The following SUPT3H variants were observed in gnomAD, a reference collection of about 807,000 sequenced individuals.
The protein encoded by SUPT3H is transcription initiation protein SPT3 homolog.
Under a neutral mutation model 44.3 loss-of-function variants are expected in SUPT3H, and 44 were observed. The ratio of observed to expected loss-of-function variants is 0.99; its 90% CI spans 0.78 to 1.28. SUPT3H has a LOEUF of 1.28. Ranked by LOEUF, SUPT3H falls within the 50% of genes most tolerant of loss-of-function variation. SUPT3H has a pLI of 0.00. For missense variants in SUPT3H, 380 were observed against 387.1 expected (o/e 0.98, Z 0.15); for synonymous variants, 124 against 125.6 (o/e 0.99, Z 0.09).
chr6:45,027,164 A>AT (rs1402395025), intron 3 of SUPT3H, among the ~76,000 whole-genome samples: 1 of 151,290 alleles, frequency 6.6e-6, no homozygotes, highest in Admixed American at 6.6e-5. Flanking sequence ...TAATTTCTGT[A>AT]TTTTTTTGCA....
intron 3 of SUPT3H, among the ~76,000 whole-genome samples, chr6:45,035,119 C>T (rs1003870631): frequency 1.3e-5 from 2 of 152,042 alleles, no homozygotes; most frequent in South Asian, 2.1e-4. Context: ...TCTATGTAAA[C>T]ATGTTTTGTT....
rs1328301895 is a variant in SUPT3H, at chr6:44,903,177, G to T, written c.912+29476C>A. Among the ~76,000 whole-genome samples the T allele has an allele frequency of 2.0e-5, 3 of 152,146 alleles. No homozygotes were observed. The East Asian group carries it at 5.8e-4, about 29-fold the overall frequency. On this transcript the variant is annotated intron_variant, in intron 10 of 10. Coordinates refer to ENST00000371459, the MANE Select transcript of SUPT3H (RefSeq NM_003599.4). ...CTAGCAAAAGGCAAGAAATAACTAA[G>T]ATCAGAGCAGGACTGAAGGAGATAG... is the stretch of plus-strand genomic sequence containing the variant.
intron 10 of SUPT3H, among the ~76,000 whole-genome samples, chr6:44,927,772 TACAA>T (rs1200377605): frequency 6.6e-6 from 1 of 152,216 alleles, no homozygotes; most frequent in Non-Finnish European, 1.5e-5. Context: ...ATTTCAATGG[TACAA>T]ACTATTAGTC....
chr6:44,832,511 C>T (rs562727622), intron 10 of SUPT3H, among the ~76,000 whole-genome samples: 3 of 152,206 alleles, frequency 2.0e-5, no homozygotes, highest in Admixed American at 6.5e-5. Flanking sequence ...CTGGATCCTA[C>T]GTGCCTATAT....
chr6:45,158,298 A>ATATATATATATATATATATAATTTT, intron 2 of SUPT3H, among the ~76,000 whole-genome samples: 1 of 99,688 alleles, frequency 1.0e-5, no homozygotes, highest in Non-Finnish European at 1.7e-5. Flanking sequence ...ATATATATAT[A>ATATATATATATATATATATAATTTT]TTTTTTTTTT....
intron 9 of SUPT3H, among the ~76,000 whole-genome samples, chr6:44,951,397 T>C (rs1582707714): frequency 6.6e-6 from 1 of 152,146 alleles, no homozygotes; most frequent in Admixed American, 6.5e-5. Context: ...GAGTCCCACT[T>C]TGGACTCAAT....
intron 6 of SUPT3H, among the ~76,000 whole-genome samples, chr6:44,990,183 A>AT (rs138967479): frequency 0.2 from 30,393 of 149,670 alleles, 3,694 homozygotes; most frequent in Non-Finnish European, 0.28. Context: ...ATTCAATTTC[A>AT]TTTTTTTTTC....
At chr6:45,038,597 A>G (rs1353750904) in intron 3 of SUPT3H, among the ~76,000 whole-genome samples, 1 of 152,188 alleles carries the variant, frequency 6.6e-6, no homozygotes, top group Non-Finnish European at 1.5e-5. Context: ...ACAAATAGCT[A>G]TCTCATTATA....
chr6:44,975,787 T>C (rs190809084), intron 6 of SUPT3H, among the ~76,000 whole-genome samples: 37 of 152,164 alleles, frequency 2.4e-4, no homozygotes, highest in Middle Eastern at 3.4e-3. Flanking sequence ...AACATCAAAT[T>C]ACTTCTGATT....
intron 10 of SUPT3H, among the ~76,000 whole-genome samples, chr6:44,880,865 G>A (rs1347394083): frequency 6.6e-6 from 1 of 152,136 alleles, no homozygotes; most frequent in African/African-American, 2.4e-5. Flanking sequence ...ATCCTTTACG[G>A]ACAATCAAAT....
chr6:45,133,067 T>TA (rs900622385), intron 2 of SUPT3H, among the ~76,000 whole-genome samples: 17 of 152,134 alleles, frequency 1.1e-4, no homozygotes, highest in Admixed American at 6.5e-5. Flanking sequence ...AGAGTAAACA[T>TA]ACACACAGAC....
At chr6:45,300,943 T>C (rs1272920376) in intron 2 of SUPT3H, among the ~76,000 whole-genome samples, 1 of 152,108 alleles carries the variant, frequency 6.6e-6, no homozygotes, top group Non-Finnish European at 1.5e-5. Flanking sequence ...CTCAACCTGA[T>C]CTCAGAGTGA....
At chr6:45,123,643 G>A (rs1289163240) in intron 2 of SUPT3H, among the ~76,000 whole-genome samples, 1 of 152,096 alleles carries the variant, frequency 6.6e-6, no homozygotes, top group Non-Finnish European at 1.5e-5. Context: ...GTGTGGTGAA[G>A]TGTAACAGGT....
At chr6:45,195,591 C>T (rs1449210914) in intron 2 of SUPT3H, among the ~76,000 whole-genome samples, 3 of 152,070 alleles carry the variant, frequency 2.0e-5, no homozygotes, top group African/African-American at 7.2e-5. Context: ...TCTGTCATAT[C>T]AAATTAAGGT....
chr6:45,162,249 G>A (rs766488654), intron 2 of SUPT3H, among the ~76,000 whole-genome samples: 1 of 152,014 alleles, frequency 6.6e-6, no homozygotes, highest in Non-Finnish European at 1.5e-5. Context: ...AGAAGAAAGA[G>A]CCAGGTGTAG....
intron 2 of SUPT3H, among the ~76,000 whole-genome samples, chr6:45,307,527 G>A (rs1441682540): frequency 1.3e-5 from 2 of 152,200 alleles, no homozygotes; most frequent in East Asian, 3.9e-4. Flanking sequence ...TGGAGCTCCA[G>A]CGAACTCCAA....
chr6:45,079,069 G>T (rs564764651), intron 3 of SUPT3H, among the ~76,000 whole-genome samples: 19 of 152,220 alleles, frequency 1.2e-4, no homozygotes, highest in African/African-American at 4.1e-4. Context: ...CCAGCACTTT[G>T]GGAGGCCGAG....
chr6:45,180,542 A>G (rs2153612914), intron 2 of SUPT3H, among the ~76,000 whole-genome samples: 1 of 149,154 alleles, frequency 6.7e-6, no homozygotes, highest in Non-Finnish European at 1.5e-5. Flanking sequence ...GGAACAGAAC[A>G]GAGCCCTCAG....
intron 2 of SUPT3H, among the ~76,000 whole-genome samples, chr6:45,330,529 C>T (rs1787258288): frequency 6.6e-6 from 1 of 151,864 alleles, no homozygotes; most frequent in Non-Finnish European, 1.5e-5. Flanking sequence ...AGGAACAACA[C>T]AAGTTTCAAA....
Sources: gnomAD v4.1 joint callset for allele counts (sites outside exome capture counted in the v4.1 genomes callset) on GRCh38, gnomAD v4.1.1 for gene constraint, MANE v1.5 for transcripts, NCBI Gene and HGNC (gene_info 2026-07-23, HGNC 2026-07-21) for gene names.